The following GTPBP10 variants were observed in gnomAD, a reference collection of about 807,000 sequenced individuals.
GTPBP10 encodes the protein GTP-binding protein 10.
GTPBP10 carries 38 observed loss-of-function variants against 44.8 expected under a neutral mutation model. That is an observed-to-expected ratio of 0.85 (90% CI 0.65 to 1.11). The LOEUF (loss-of-function observed/expected upper bound fraction) is 1.11, where lower values mean the gene tolerates loss of function less well. Ranked by LOEUF, GTPBP10 falls within the 50% of genes most tolerant of loss-of-function variation. The pLI is 0.00. For missense variants in GTPBP10, 462 were observed against 453.7 expected, an observed-to-expected ratio of 1.02 and a Z score of -0.17; for synonymous variants, 152 against 150.6, an observed-to-expected ratio of 1.01 and a Z score of -0.07.
rs1796521809 is a variant in GTPBP10, at chr7:90,386,186, A to G, written c.*1032A>G. On this transcript the variant is annotated 3_prime_UTR_variant, in exon 10 of 10. Transcript: ENST00000222511. ...AGATCATTTTTTAAATTTATGTGGA[A>G]GGATTCTCTAGATTATTATTAGAAT... 6.6e-6 allele frequency: 1 copy of G among 152,160 alleles called. No homozygotes were observed. Among genetic ancestry groups the G allele is most frequent in the Non-Finnish European group, 1.5e-5 (1 of 68,026 alleles). The allele number at this position is 152,160 out of a possible 1,614,324, so 9.4% of individuals were successfully genotyped here.
intron 1 of GTPBP10, among the ~76,000 whole-genome samples, chr7:90,347,092 T>C (rs1311765380): frequency 6.6e-6 from 1 of 152,140 alleles, no homozygotes; most frequent in Admixed American, 6.5e-5. Flanking sequence ...TTTCCTTTAA[T>C]GTCCACAGCC....
intron 9 of GTPBP10, among the ~76,000 whole-genome samples, chr7:90,384,601 CCA>C (rs1491410852): frequency 8.6e-5 from 13 of 151,746 alleles, no homozygotes; most frequent in African/African-American, 3.2e-4. Context: ...TTAACCCCCC[CCA>C]CACACACAAA....
chr7:90,354,100 C>T (rs1795846846), intron 2 of GTPBP10, among the ~76,000 whole-genome samples: 1 of 152,224 alleles, frequency 6.6e-6, no homozygotes, highest in South Asian at 2.1e-4. Context: ...TCCCAAAGTG[C>T]TGAGATTACA....
chr7:90,382,213 A>G (rs556093342), intron 8 of GTPBP10, among the ~76,000 whole-genome samples: 1 of 152,326 alleles, frequency 6.6e-6, no homozygotes, highest in South Asian at 2.1e-4. Flanking sequence ...CAATAGCAAG[A>G]AAACAACTCA....
chr7:90,374,021 A>G (rs1350899447), intron 5 of GTPBP10, among the ~76,000 whole-genome samples: 1 of 152,118 alleles, frequency 6.6e-6, no homozygotes, highest in African/African-American at 2.4e-5. Context: ...CATTTTTTGT[A>G]GAAACAGGGT....
intron 1 of GTPBP10, 61 bp from the exon 2 acceptor site, chr7:90,352,755 A>G: frequency 7.9e-7 from 1 of 1,271,026 alleles, no homozygotes; most frequent in Non-Finnish European, 1.1e-6. Flanking sequence ...AAAGAACTAG[A>G]AAAAGGTTCT....
At chr7:90,369,099 G>T (rs1796199251) in intron 4 of GTPBP10, among the ~76,000 whole-genome samples, 1 of 152,186 alleles carries the variant, frequency 6.6e-6, no homozygotes, top group Admixed American at 6.5e-5. Context: ...TTCAGACCCT[G>T]TTTGCCTAGG....
Position 90,391,447 on chromosome 7 carries a change from A to G in GTPBP10, c.*6293A>G, listed in dbSNP as rs940297087. On this transcript the variant is annotated 3_prime_UTR_variant, in exon 10 of 10. Coordinates refer to ENST00000222511, the MANE Select transcript of GTPBP10 (RefSeq NM_033107.4). ...AATATATTGTAATAAAAGCTATGTT[A>G]ATGTGGTCTCCCTCTCGAAATATCT... 1 of 152,206 alleles carries G rather than the reference A, an allele frequency of 6.6e-6. No individual in the cohort carries two copies. The highest frequency in any genetic ancestry group is 6.5e-5 in the Admixed American group (1 of 15,284). 9.4% of individuals were successfully genotyped at this position (152,206 alleles called of 1,614,324 possible).
chr7:90,381,293 C>T (rs752203065), intron 8 of GTPBP10, among the ~76,000 whole-genome samples: 4 of 152,182 alleles, frequency 2.6e-5, no homozygotes, highest in Non-Finnish European at 5.9e-5. Context: ...CTTGACAACA[C>T]TTGTTATCTT....
chr7:90,375,514 A>G (rs559158145), intron 6 of GTPBP10, among the ~76,000 whole-genome samples: 1 of 152,208 alleles, frequency 6.6e-6, no homozygotes, highest in African/African-American at 2.4e-5. Context: ...TAATAGTGAT[A>G]ATAACAGTAA....
At chr7:90,362,141 G>C (rs776952793) in intron 4 of GTPBP10, among the ~76,000 whole-genome samples, 51 of 151,352 alleles carry the variant, frequency 3.4e-4, no homozygotes, top group Non-Finnish European at 2.4e-4. Context: ...CTTCATTTCT[G>C]CTCTGATCTT....
chr7:90,374,507 A>G (rs1403915578), intron 6 of GTPBP10, among the ~76,000 whole-genome samples, 153 bp downstream of exon 6: 1 of 152,192 alleles, frequency 6.6e-6, no homozygotes, highest in East Asian at 1.9e-4. Flanking sequence ...GGTCAAATTA[A>G]TTCTGAGCAC....
In GTPBP10 at chr7:90,391,230, A is replaced by T. The variant is rs1796610325; in HGVS notation, c.*6076A>T. 1 of 152,008 alleles carries T rather than the reference A, an allele frequency of 6.6e-6. No individual in the cohort carries two copies. Among genetic ancestry groups the T allele is most frequent in the South Asian group, 2.1e-4 (1 of 4,820 alleles). 9.4% of individuals were successfully genotyped at this position (152,008 alleles called of 1,614,324 possible). A position where few individuals can be genotyped will look rare whatever the true frequency, so the allele number is the denominator to read the frequency against. On this transcript the variant is annotated 3_prime_UTR_variant, in exon 10 of 10. Coordinates refer to ENST00000222511, the MANE Select transcript of GTPBP10 (RefSeq NM_033107.4). ...CCTCATGTTGCTTAGAATAGTGTGT[A>T]TTTCAGAACTTTTCCATTTAATATT... is the stretch of plus-strand genomic sequence containing the variant.
rs74838757 is a variant in GTPBP10 at position 90,359,154 on chromosome 7, A to T, written c.464+3924A>T. 1.1e-4 allele frequency among the ~76,000 whole-genome samples: 16 copies of T among 151,952 alleles called. No individual in the cohort carries two copies. The East Asian group carries it at 1.7e-3, about 17-fold the overall frequency. On this transcript the variant is annotated intron_variant, in intron 4 of 9. Transcript: ENST00000222511. ...TTTTTTTTTTCTTTAACTTAAAAAAATTTTTTTTATTATGCTTTAAGTTCT... is the reference window on the plus strand; with the variant it reads ...TTTTTTTTTTCTTTAACTTAAAAAATTTTTTTTTATTATGCTTTAAGTTCT...
Position 90,367,020 on chromosome 7 carries a change from A to G in GTPBP10, c.465-5135A>G, listed in dbSNP as rs1796147514. Among the ~76,000 whole-genome samples, 6 of 152,242 alleles carry G rather than the reference A, an allele frequency of 3.9e-5. No individual in the cohort carries two copies. In the South Asian group the frequency reaches 1.2e-3, roughly 32 times the overall value. ...CTCATTGGTTTCAAAGAACATCTTT[A>G]TTTCTGCCTTCATTTCGTTATGTAC... On this transcript the variant is annotated intron_variant, in intron 4 of 9. Transcript: ENST00000222511.
In GTPBP10 at chr7:90,385,488, ATTTTAAGTGG is replaced by A. The variant is rs1420950507; in HGVS notation, c.*339_*348del. 5.7e-6 allele frequency: 1 copy of A among 175,800 alleles called. No homozygotes were observed. The highest frequency in any genetic ancestry group is 2.4e-5 in the African/African-American group (1 of 42,218). 10.9% of individuals were successfully genotyped at this position (175,800 alleles called of 1,614,324 possible). On this transcript the variant is annotated 3_prime_UTR_variant, in exon 10 of 10. Transcript: ENST00000222511. ...ATGTATTTTGAAAGTCACTGAGTAA[ATTTTAAGTGG>A]TTTTTCCAAAAAAGCACATAAGGTA... is the stretch of plus-strand genomic sequence containing the variant.
chr7:90,381,864 T>C (rs913977793), intron 8 of GTPBP10, among the ~76,000 whole-genome samples: 1 of 152,156 alleles, frequency 6.6e-6, no homozygotes. Context: ...AATATCCACA[T>C]GCAGAGAAAT....
intron 1 of GTPBP10, 60 bp from the exon 2 acceptor site, chr7:90,352,756 A>G: frequency 7.8e-7 from 1 of 1,279,620 alleles, no homozygotes; most frequent in Non-Finnish European, 1.0e-6. Context: ...AAGAACTAGA[A>G]AAAGGTTCTA....
At chr7:90,357,915 G>C (rs549511359) in intron 4 of GTPBP10, among the ~76,000 whole-genome samples, 5 of 152,036 alleles carry the variant, frequency 3.3e-5, no homozygotes, top group Non-Finnish European at 5.9e-5. Flanking sequence ...AATCAAAGAT[G>C]TGTGCAAAGA....
Sources: gnomAD v4.1 joint callset for allele counts (sites outside exome capture counted in the v4.1 genomes callset) on GRCh38, gnomAD v4.1.1 for gene constraint, MANE v1.5 for transcripts, NCBI Gene and HGNC (gene_info 2026-07-23, HGNC 2026-07-21) for gene names.